MYO3A: variants seen among roughly 807,000 people sequenced by gnomAD.
MYO3A encodes myosin-IIIa.
A neutral mutation model predicts 192.7 loss-of-function variants in MYO3A; 180 were observed. The ratio of observed to expected loss-of-function variants is 0.93; its 90% CI spans 0.83 to 1.06. The LOEUF (loss-of-function observed/expected upper bound fraction) is 1.06. Ranked by LOEUF, MYO3A falls within the 50% of genes least tolerant of loss-of-function variation. The pLI is 0.00. For missense variants in MYO3A, 1,896 were observed against 1,905.0 expected (o/e 1.00, Z 0.09); for synonymous variants, 628 against 645.3 (o/e 0.97, Z 0.41).
intron 20 of MYO3A, among the ~76,000 whole-genome samples, chr10:26,130,491 A>G (rs1473611352): frequency 6.6e-6 from 1 of 152,192 alleles, no homozygotes; most frequent in Non-Finnish European, 1.5e-5. Context: ...GGCTTGTTAC[A>G]AAACTTATTC....
chr10:26,045,533 A>G (rs985432359), intron 10 of MYO3A, among the ~76,000 whole-genome samples: 1 of 152,214 alleles, frequency 6.6e-6, no homozygotes, highest in Non-Finnish European at 1.5e-5. Context: ...TTGTTGAAGT[A>G]TGTGGCTTTT....
Position 25,996,596 on chromosome 10 carries a change from T to C in MYO3A, c.408+2T>C. 1.2e-6 allele frequency: 2 copies of C among 1,604,208 alleles called. No homozygotes were observed. The highest frequency in any genetic ancestry group is 1.7e-6 in the Non-Finnish European group (2 of 1,171,332). ...TATATTTTACATGAAGCACTAATGG[T>C]AAGGCAATTTAAATTGTATGTGCAT... On this transcript the variant is annotated splice_donor_variant, in intron 5 of 34. Transcript: ENST00000642920. LOFTEE classifies it high-confidence loss of function.
At chr10:26,033,201 G>A (rs1842880190) in intron 10 of MYO3A, among the ~76,000 whole-genome samples, 1 of 152,058 alleles carries the variant, frequency 6.6e-6, no homozygotes, top group Non-Finnish European at 1.5e-5. Flanking sequence ...AGCCTCCCGA[G>A]TAGCTGTGAT....
intron 14 of MYO3A, among the ~76,000 whole-genome samples, chr10:26,077,932 C>T (rs1835692177): frequency 6.6e-6 from 1 of 152,028 alleles, no homozygotes; most frequent in Non-Finnish European, 1.5e-5. Context: ...CATCTTTGTT[C>T]ATCAAGGATA....
At chr10:25,993,138 T>C (rs1204213523) in intron 4 of MYO3A, among the ~76,000 whole-genome samples, 2 of 149,022 alleles carry the variant, frequency 1.3e-5, no homozygotes, top group Non-Finnish European at 3.0e-5. Context: ...CATTTGGTCC[T>C]GGATTTTTTT....
chr10:26,205,467 T>C (rs1293444694), intron 34 of MYO3A, among the ~76,000 whole-genome samples: 4 of 143,058 alleles, frequency 2.8e-5, no homozygotes, highest in African/African-American at 1.1e-4. Context: ...GCTTGTCTTT[T>C]TTTTTTTTTT....
chr10:25,976,366 C>T (rs1838964672), intron 4 of MYO3A, among the ~76,000 whole-genome samples: 1 of 152,128 alleles, frequency 6.6e-6, no homozygotes, highest in African/African-American at 2.4e-5. Context: ...TTTGTAGCCT[C>T]ACACAGAATA....
chr10:26,078,032 C>T (rs1232448121), intron 14 of MYO3A, among the ~76,000 whole-genome samples: 1 of 151,308 alleles, frequency 6.6e-6, no homozygotes, highest in Admixed American at 6.6e-5. Flanking sequence ...AGGGACAGTT[C>T]CTTCTTTCTC....
At chr10:25,965,216 C>G (rs146059858) in intron 4 of MYO3A, among the ~76,000 whole-genome samples, 3 of 152,298 alleles carry the variant, frequency 2.0e-5, no homozygotes, top group African/African-American at 7.2e-5. Flanking sequence ...TCTACCTCCT[C>G]TTTAAGGCCA....
At chr10:26,125,255 G>A in intron 18 of MYO3A, 143 bp from the exon 19 acceptor site, 1 of 801,426 alleles carries the variant, frequency 1.2e-6, no homozygotes. Flanking sequence ...GACTCATGTT[G>A]GATAGTATCA....
chr10:26,055,929 T>G (rs1844289596), intron 10 of MYO3A, among the ~76,000 whole-genome samples: 1 of 152,206 alleles, frequency 6.6e-6, no homozygotes, highest in South Asian at 2.1e-4. Flanking sequence ...TTACCCAGTC[T>G]TGGCTATCAA....
intron 10 of MYO3A, among the ~76,000 whole-genome samples, chr10:26,046,344 T>C (rs1265054824): frequency 6.6e-6 from 1 of 152,158 alleles, no homozygotes; most frequent in Non-Finnish European, 1.5e-5. Flanking sequence ...GCTTGATGCA[T>C]TGAGAAAAAA....
At chr10:25,947,389 C>CTTTTTTTTTTTTT (rs869281200) in intron 2 of MYO3A, among the ~76,000 whole-genome samples, 13 of 91,862 alleles carry the variant, frequency 1.4e-4, no homozygotes, top group African/African-American at 3.8e-4. Context: ...TTTTCTTTTT[C>CTTTTTTTTTTTTT]TTTTTTTTTT....
chr10:25,993,566 G>A (rs1206917134), intron 4 of MYO3A, among the ~76,000 whole-genome samples: 3 of 152,130 alleles, frequency 2.0e-5, no homozygotes, highest in African/African-American at 4.8e-5. Context: ...TTTTGAATGT[G>A]TTTGCTCTTG....
chr10:26,089,562 C>T (rs1339811022), intron 15 of MYO3A, among the ~76,000 whole-genome samples: 1 of 151,154 alleles, frequency 6.6e-6, no homozygotes, highest in Non-Finnish European at 1.5e-5. Context: ...GATCATGCCA[C>T]TTCACTCCAG....
intron 34 of MYO3A, 104 bp from the exon 35 acceptor site, chr10:26,211,739 T>G (rs1844225055): frequency 7.1e-6 from 11 of 1,539,214 alleles, no homozygotes; most frequent in African/African-American, 1.4e-5. Flanking sequence ...ATGTCCGCGG[T>G]TGGCAGAACG....
intron 10 of MYO3A, among the ~76,000 whole-genome samples, chr10:26,037,277 T>C (rs191174012): frequency 1.6e-3 from 249 of 152,380 alleles, no homozygotes; most frequent in African/African-American, 5.9e-3. Context: ...ACTTTGCATG[T>C]AGTAAGTGCT....
At chr10:26,052,901 C>A (rs2131297124) in intron 10 of MYO3A, among the ~76,000 whole-genome samples, 2 of 152,048 alleles carry the variant, frequency 1.3e-5, no homozygotes, top group Admixed American at 1.3e-4. Flanking sequence ...TATTTGTGAC[C>A]TTTGACAACA....
chr10:25,936,364 A>G (rs558166409), intron 2 of MYO3A, among the ~76,000 whole-genome samples: 1 of 152,262 alleles, frequency 6.6e-6, no homozygotes, highest in South Asian at 2.1e-4. Context: ...TTTAGAATGT[A>G]TAGTTCTTTT....
Sources: gnomAD v4.1 joint callset for allele counts (sites outside exome capture counted in the v4.1 genomes callset) on GRCh38, gnomAD v4.1.1 for gene constraint, MANE v1.5 for transcripts, NCBI Gene and HGNC (gene_info 2026-07-23, HGNC 2026-07-21) for gene names.